ACAN: variants seen among roughly 807,000 people sequenced by gnomAD.
The protein encoded by ACAN is aggrecan, also known as aggrecan core protein.
In ACAN, 47 loss-of-function variants were observed where a neutral mutation model predicts 169.1. That is an observed-to-expected ratio of 0.28 (90% CI 0.22 to 0.35). The LOEUF (loss-of-function observed/expected upper bound fraction) is 0.35, where lower values mean the gene tolerates loss of function less well. Ranked by LOEUF, ACAN falls within the 10% of genes least tolerant of loss-of-function variation. The pLI, the probability that ACAN is intolerant of heterozygous loss-of-function variation, is 1.00. For synonymous variants in ACAN, 1,115 were observed against 1,112.2 expected, an observed-to-expected ratio of 1.00 and a Z score of -0.05; for missense variants, 2,716 against 2,759.9, an observed-to-expected ratio of 0.98 and a Z score of 0.36.
chr15:88,818,934 A>G (rs990700351), intron 1 of ACAN, among the ~76,000 whole-genome samples: 3 of 152,216 alleles, frequency 2.0e-5, no homozygotes, highest in Admixed American at 6.5e-5. Flanking sequence ...ATTTTACCAC[A>G]ATTTAGGAGA....
chr15:88,831,718 C>A (rs1303383083), intron 1 of ACAN, among the ~76,000 whole-genome samples: 1 of 152,208 alleles, frequency 6.6e-6, no homozygotes, highest in Admixed American at 6.5e-5. Flanking sequence ...GCAACTCAGC[C>A]TCCTCCTTGG....
chr15:88,835,304 C>T (rs1217505729), intron 1 of ACAN, among the ~76,000 whole-genome samples: 3 of 152,142 alleles, frequency 2.0e-5, no homozygotes, highest in Non-Finnish European at 4.4e-5. Flanking sequence ...CAACTCATCA[C>T]TTCTCTGGGC....
chr15:88,831,782 G>A (rs1426177424), intron 1 of ACAN, among the ~76,000 whole-genome samples: 2 of 152,166 alleles, frequency 1.3e-5, no homozygotes, highest in African/African-American at 4.8e-5. Flanking sequence ...GTTCACTAAG[G>A]TCTCTCACAG....
intron 1 of ACAN, among the ~76,000 whole-genome samples, chr15:88,818,426 C>T (rs908067097): frequency 2.0e-5 from 3 of 152,180 alleles, no homozygotes; most frequent in Admixed American, 2.0e-4. Context: ...GCAGGTTCTC[C>T]TCCTGGTAGG....
At chr15:88,818,452 AG>A (rs1175612622) in intron 1 of ACAN, among the ~76,000 whole-genome samples, 16 of 152,350 alleles carry the variant, frequency 1.1e-4, no homozygotes, top group Middle Eastern at 3.4e-3. Flanking sequence ...GTCCTCAGTG[AG>A]CCAGAGACAA....
chr15:88,818,289 C>A (rs1895991657), intron 1 of ACAN, among the ~76,000 whole-genome samples: 1 of 152,252 alleles, frequency 6.6e-6, no homozygotes, highest in African/African-American at 2.4e-5. Context: ...GATAACACAA[C>A]TGTGAGTGCA....
chr15:88,812,593 G>A (rs1394878967), intron 1 of ACAN, among the ~76,000 whole-genome samples: 1 of 151,938 alleles, frequency 6.6e-6, no homozygotes, highest in Non-Finnish European at 1.5e-5. Flanking sequence ...CGGTCCCCCT[G>A]CCCAGGTGCT....
At chr15:88,840,802 A>G (rs1232280033) in intron 4 of ACAN, among the ~76,000 whole-genome samples, 3 of 150,194 alleles carry the variant, frequency 2.0e-5, no homozygotes, top group Non-Finnish European at 4.4e-5. Context: ...AAAAAAAAAG[A>G]TGAGATAATA....
chr15:88,824,152 G>T (rs571516305), intron 1 of ACAN, among the ~76,000 whole-genome samples: 2 of 151,948 alleles, frequency 1.3e-5, no homozygotes, highest in African/African-American at 4.8e-5. Context: ...GTGAAACCCC[G>T]TCTCTACTAA....
chr15:88,836,840 C>G (rs1896515923), intron 2 of ACAN, among the ~76,000 whole-genome samples: 2 of 152,372 alleles, frequency 1.3e-5, no homozygotes, highest in South Asian at 4.1e-4. Context: ...CTTCCACTGA[C>G]CCCAGGATGG....
chr15:88,848,050 A>G lies in ACAN; in HGVS notation c.1732+12A>G, dbSNP rs780644062. 1.2e-6 allele frequency: 2 copies of G among 1,612,052 alleles called. No homozygotes were observed. Among genetic ancestry groups the G allele is most frequent in the Admixed American group, 1.7e-5 (1 of 59,946 alleles). On this transcript the variant is annotated intron_variant, in intron 9 of 18. Coordinates refer to ENST00000560601, the MANE Select transcript of ACAN (RefSeq NM_001369268.1). Reference sequence around the variant, plus strand: ...AGACAGACTTGAGGGTACAAGCCACATTCTCACATTTCGGGCCCTAGATGG... The same window carrying G: ...AGACAGACTTGAGGGTACAAGCCACGTTCTCACATTTCGGGCCCTAGATGG...
intron 7 of ACAN, among the ~76,000 whole-genome samples, 189 bp from the exon 8 acceptor site, chr15:88,847,054 G>C (rs1003226064): frequency 1.3e-5 from 2 of 152,232 alleles, no homozygotes; most frequent in Non-Finnish European, 2.9e-5. Flanking sequence ...TCCCACGCAG[G>C]GGAGGGGCAG....
rs1379921650 is a variant in ACAN at position 88,838,386 on chromosome 15, G to A, written c.71-277G>A. 6.6e-6 allele frequency among the ~76,000 whole-genome samples: 1 copy of A among 152,018 alleles called. No individual in the cohort carries two copies. Among genetic ancestry groups the A allele is most frequent in the African/African-American group, 2.4e-5 (1 of 41,378 alleles). ...ACAGGGAGTTGGTCCTGACTCTGAC[G>A]TCTCCCCTCCCTCCTCTGGAATCCT... On this transcript the variant is annotated intron_variant, in intron 2 of 18. Coordinates refer to ENST00000560601, the MANE Select transcript of ACAN (RefSeq NM_001369268.1). This position sits in a 1 kb window ranked among gnomAD's most constrained non-coding sequence, Gnocchi z 5.1.
chr15:88,816,388 A>T (rs1233969208), intron 1 of ACAN, among the ~76,000 whole-genome samples: 1 of 152,188 alleles, frequency 6.6e-6, no homozygotes, highest in Non-Finnish European at 1.5e-5. Context: ...GGATTAAACA[A>T]ATGATGTATT....
rs1448190132 is a variant in ACAN at position 88,861,483 on chromosome 15, A to G, written c.6946+1044A>G. On this transcript the variant is annotated intron_variant, in intron 13 of 18. Coordinates refer to ENST00000560601, the MANE Select transcript of ACAN (RefSeq NM_001369268.1). This position sits in a 1 kb window ranked among gnomAD's most constrained non-coding sequence, Gnocchi z 6.3. ...TATACATGCAAATTAATACATCATTATATATTATTATATATCATATAAACA... is the reference window on the plus strand; with the variant it reads ...TATACATGCAAATTAATACATCATTGTATATTATTATATATCATATAAACA... Among the ~76,000 whole-genome samples the G allele has an allele frequency of 6.6e-6, 1 of 152,112 alleles. No homozygotes were observed. Among genetic ancestry groups the G allele is most frequent in the Non-Finnish European group, 1.5e-5 (1 of 68,034 alleles).
At position 88,871,612 on chromosome 15, in the gene ACAN, G is replaced by C. The variant is rs2141638990; in HGVS notation, c.7219+72G>C. The C allele has an allele frequency of 6.6e-7, 1 of 1,519,810 alleles. No homozygotes were observed. Among genetic ancestry groups the C allele is most frequent in the Middle Eastern group, 2.3e-4 (1 of 4,294 alleles). 94.1% of individuals were successfully genotyped at this position (1,519,810 alleles called of 1,614,324 possible). A position where few individuals can be genotyped will look rare whatever the true frequency, so the allele number is the denominator to read the frequency against. On this transcript the variant is annotated intron_variant, in intron 15 of 18. Coordinates refer to ENST00000560601, the MANE Select transcript of ACAN (RefSeq NM_001369268.1). This position sits in a 1 kb window ranked among gnomAD's most constrained non-coding sequence, Gnocchi z 7.8. ...AGGCAAAGGGCCTCACCTTTCAGAA[G>C]GCAGCAGATTTGGGCCTCGTGAGAC...
intron 11 of ACAN, 45 bp from the exon 12 acceptor site, chr15:88,854,807 G>C (rs1218727491): frequency 1.4e-6 from 2 of 1,386,842 alleles, no homozygotes; most frequent in Non-Finnish European, 1.9e-6. Context: ...AAGTGGGGCA[G>C]AGTTAATAAA....
chr15:88,856,991 G>T lies in ACAN; in HGVS notation c.4406G>T (p.Gly1469Val). 6.2e-7 allele frequency: 1 copy of T among 1,613,712 alleles called. No homozygotes were observed. The highest frequency in any genetic ancestry group is 8.5e-7 in the Non-Finnish European group (1 of 1,179,794). ...TSTSAVGDLSGLPSGGEVLEI... is the reference protein window; with the variant it reads ...TSTSAVGDLSVLPSGGEVLEI... The stretch of plus-strand genomic sequence containing the variant: ...ACCTCTGCGGTAGGGGACCTCAGTG[G>T]ACTTCCTTCTGGAGGAGAAGTTCTA... Residue 1469 changes from glycine (G) to valine (V), a missense_variant, in exon 12 of 19, where the codon GGA (glycine) becomes GTA (valine). Coordinates refer to ENST00000560601, the MANE Select transcript of ACAN (RefSeq NM_001369268.1).
chr15:88,838,758 C>T lies in ACAN; in HGVS notation c.166C>T (p.Pro56Ser). 3 of 1,613,896 alleles carry T rather than the reference C, an allele frequency of 1.9e-6. No individual in the cohort carries two copies. The highest frequency in any genetic ancestry group is 1.7e-6 in the Non-Finnish European group (2 of 1,179,852). The change falls in exon 3 of 19, where the codon CCC becomes TCC. Residue 56 changes from proline (P) to serine (S), a missense_variant. Pro to Ser is a moderately conservative substitution (Grantham distance 74). This residue lies in a region of ACAN where 1,283 missense variants were observed against 1,281.5 expected (regional missense o/e 1.00). Transcript: ENST00000560601. The surrounding 1 kb of genome is among the most constrained non-coding windows in gnomAD (Gnocchi z 5.1). The stretch of plus-strand genomic sequence containing the variant: ...CACCATCCCCTGCTATTTCATCGAC[C>T]CCATGCACCCTGTGACCACCGCCCC... ...SLTIPCYFID[P>S]MHPVTTAPST...
Sources: gnomAD v4.1 joint callset for allele counts (sites outside exome capture counted in the v4.1 genomes callset) on GRCh38, gnomAD v4.1.1 for gene constraint, gnomAD v4.1.1 regional missense constraint, Gnocchi (gnomAD v3.1) non-coding constraint, MANE v1.5 for transcripts, NCBI Gene and HGNC (gene_info 2026-07-23, HGNC 2026-07-21) for gene names.